The following RBM43 variants were observed in gnomAD, a reference collection of about 807,000 sequenced individuals.
RBM43 encodes the protein RNA-binding protein 43.
A neutral mutation model predicts 12.4 loss-of-function variants in RBM43; 12 were observed. That is an observed-to-expected ratio of 0.97 (90% confidence interval 0.62 to 1.57). The LOEUF is 1.57. RBM43 is among the 40% of genes most tolerant of loss of function. The pLI is 0.00. For missense variants in RBM43, 348 were observed against 400.1 expected, an observed-to-expected ratio of 0.87 and a Z score of 1.11; for synonymous variants, 138 against 145.7, an observed-to-expected ratio of 0.95 and a Z score of 0.38.
At chr2:151,261,208 C>A in intron 1 of RBM43, 2 of 1,510,178 alleles carry the variant, frequency 1.3e-6, no homozygotes, top group Non-Finnish European at 1.8e-6. Context: ...CGCACCAAGG[C>A]AGACATAAGA....
intron 1 of RBM43, among the ~76,000 whole-genome samples, chr2:151,258,763 C>G (rs2105193532): frequency 6.6e-6 from 1 of 152,272 alleles, no homozygotes; most frequent in Admixed American, 6.5e-5. Flanking sequence ...TATCCCAGAG[C>G]AAGTTCTCTC....
rs780220042 is a variant in RBM43 at position 151,251,339 on chromosome 2, G to C, written c.641C>G (p.Ala214Gly). 1.2e-6 allele frequency: 2 copies of C among 1,614,032 alleles called. No individual in the cohort carries two copies. The highest frequency in any genetic ancestry group is 2.7e-5 in the African/African-American group (2 of 75,046). The change falls in exon 4 of 4, where the codon GCT becomes GGT. Residue 214 changes from alanine to glycine, a missense_variant. Ala to Gly is a moderately conservative substitution (Grantham distance 60). Transcript: ENST00000331426. ...ASVRTLVPET[A>G]RSGEMLVLDT... is the part of the protein sequence containing the mutation. ...AAGCACAAGCATTTCTCCACTTCTA[G>C]CAGTCTCAGGTACTAAGGTCCTGAC...
At chr2:151,259,937 C>T (rs1353994844) in intron 1 of RBM43, among the ~76,000 whole-genome samples, 2 of 152,046 alleles carry the variant, frequency 1.3e-5, no homozygotes, top group East Asian at 3.9e-4. Context: ...GCGATCTTGG[C>T]TCACTGCAAC....
At chr2:151,256,402 A>G (rs1042469903) in intron 1 of RBM43, among the ~76,000 whole-genome samples, 6 of 152,222 alleles carry the variant, frequency 3.9e-5, no homozygotes, top group African/African-American at 1.2e-4. Flanking sequence ...CAAACTAACC[A>G]CAAAATATGG....
At position 151,261,563 on chromosome 2, in the gene RBM43, C is replaced by T. The variant is rs1176453158; in HGVS notation, c.3+162G>A. ...AGTTTGCCCGCCGGGGTGGACGGCT[C>T]TCCGGGGCCCCCGGGGTCCCTGGGG... On this transcript the variant is annotated intron_variant, in intron 1 of 3. Coordinates refer to ENST00000331426, the MANE Select transcript of RBM43 (RefSeq NM_198557.3). 7 of 1,542,110 alleles carry T rather than the reference C, an allele frequency of 4.5e-6. No homozygotes were observed. In the African/African-American group the frequency reaches 8.2e-5, roughly 18 times the overall value.
intron 1 of RBM43, among the ~76,000 whole-genome samples, chr2:151,260,126 G>A (rs1367148907): frequency 6.7e-6 from 1 of 149,110 alleles, no homozygotes; most frequent in African/African-American, 2.5e-5. Context: ...TCGGCCTCTC[G>A]AAGTCTTTTT....
intron 1 of RBM43, among the ~76,000 whole-genome samples, chr2:151,256,642 A>G (rs1395514342): frequency 1.3e-5 from 2 of 152,154 alleles, no homozygotes; most frequent in Admixed American, 6.5e-5. Flanking sequence ...AACATGGTGA[A>G]ACCCCATCTC....
Position 151,261,788 on chromosome 2 carries a change from G to T in RBM43, c.-61C>A. 2 of 1,573,584 alleles carry T rather than the reference G, an allele frequency of 1.3e-6. No homozygotes were observed. The highest frequency in any genetic ancestry group is 1.9e-5 in the Admixed American group (1 of 53,256). On this transcript the variant is annotated 5_prime_UTR_variant, in exon 1 of 4. Transcript: ENST00000331426. ...AGCCCACAACCAGCGGAACGCAGGCGATGGGGAGAGGAGCGAGCAGGCAGG... is the reference window on the plus strand; with the variant it reads ...AGCCCACAACCAGCGGAACGCAGGCTATGGGGAGAGGAGCGAGCAGGCAGG...
chr2:151,261,181 T>G, intron 1 of RBM43: 1 of 1,455,474 alleles, frequency 6.9e-7, no homozygotes, highest in African/African-American at 1.4e-5. Context: ...AATTTTGAAT[T>G]TGCTAAGACA....
chr2:151,258,290 C>A (rs186712743), intron 1 of RBM43, among the ~76,000 whole-genome samples: 1 of 151,990 alleles, frequency 6.6e-6, no homozygotes, highest in Non-Finnish European at 1.5e-5. Flanking sequence ...TTCCCTACCC[C>A]CAGTGCACAC....
chr2:151,252,631 G>T, intron 3 of RBM43, 124 bp downstream of exon 3: 2 of 580,480 alleles, frequency 3.4e-6, no homozygotes, highest in Non-Finnish European at 3.1e-6. Context: ...CTGACTCAGG[G>T]AGTTTGCATT....
At position 151,248,127 on chromosome 2, in the gene RBM43, A is replaced by G. The variant is rs553075539; in HGVS notation, c.*2779T>C. ...ATCAAATTTGGGATAAAGCAGTTTG[A>G]GTCACTCACCAGTGCACTAAATTGA... On this transcript the variant is annotated 3_prime_UTR_variant, in exon 4 of 4. Transcript: ENST00000331426. The G allele has an allele frequency of 6.6e-5, 10 of 152,296 alleles. No individual in the cohort carries two copies. The highest frequency in any genetic ancestry group is 2.4e-4 in the African/African-American group (10 of 41,594). 9.4% of individuals were successfully genotyped at this position (152,296 alleles called of 1,614,324 possible). A position where few individuals can be genotyped will look rare whatever the true frequency, so the allele number is the denominator to read the frequency against.
Position 151,251,445 on chromosome 2 carries a change from T to C in RBM43, c.535A>G (p.Asn179Asp). ...RACSLLEKDR[N>D]FTSEERKWNR... ...CACTTTCTCTCCTCACTGGTAAAAT[T>C]TCTGTCTTTTTCTAAGAGAGAACAT... The change falls in exon 4 of 4, where the codon AAT becomes GAT. Residue 179 changes from asparagine (N) to aspartate (D), a missense_variant. By Grantham distance (23) the Asn-to-Asp change is conservative. Transcript: ENST00000331426. 1 of 1,614,200 alleles carries C rather than the reference T, an allele frequency of 6.2e-7. No individual in the cohort carries two copies. Among genetic ancestry groups the C allele is most frequent in the South Asian group, 1.1e-5 (1 of 91,086 alleles).
Position 151,261,741 on chromosome 2 carries a change from CGCGCCCTCA to C in RBM43, c.-23_-15del. 1 of 1,602,730 alleles carries C rather than the reference CGCGCCCTCA, an allele frequency of 6.2e-7. No individual in the cohort carries two copies. On this transcript the variant is annotated 5_prime_UTR_variant, in exon 1 of 4. Transcript: ENST00000331426. ...GCAACTTGCCATGGCGGAGGGGAGACGCGCCCTCAGCGGCCGCAGAAAGCCCACAACCAG... is the reference window on the plus strand; with the variant it reads ...GCAACTTGCCATGGCGGAGGGGAGACGCGGCCGCAGAAAGCCCACAACCAG...
chr2:151,260,182 A>G (rs1329041200), intron 1 of RBM43, among the ~76,000 whole-genome samples: 1 of 147,566 alleles, frequency 6.8e-6, no homozygotes, highest in African/African-American at 2.5e-5. Flanking sequence ...CTGGAGAACA[A>G]TGGCGTGATC....
chr2:151,261,568 G>A (rs1175007227), intron 1 of RBM43, 157 bp downstream of exon 1: 5 of 1,540,576 alleles, frequency 3.2e-6, no homozygotes, highest in South Asian at 1.2e-5. Context: ...CGGCTCTCCG[G>A]GGCCCCCGGG....
At chr2:151,260,198 T>A (rs1683029394) in intron 1 of RBM43, among the ~76,000 whole-genome samples, 1 of 151,648 alleles carries the variant, frequency 6.6e-6, no homozygotes, top group South Asian at 2.1e-4. Context: ...TGATCTTGGC[T>A]CCCTGCAACC....
chr2:151,252,248 C>T (rs969324964), intron 3 of RBM43, among the ~76,000 whole-genome samples: 7 of 152,082 alleles, frequency 4.6e-5, no homozygotes, highest in Non-Finnish European at 8.8e-5. Context: ...TGAGGCTGGG[C>T]GTGGTGGCTC....
At position 151,251,572 on chromosome 2, in the gene RBM43, G is replaced by C; in HGVS notation, c.408C>G (p.Ile136Met). 2 of 1,613,932 alleles carry C rather than the reference G, an allele frequency of 1.2e-6. No individual in the cohort carries two copies. The highest frequency in any genetic ancestry group is 1.7e-6 in the Non-Finnish European group (2 of 1,179,892). Residue 136 changes from isoleucine (I) to methionine (M), a missense_variant, in exon 4 of 4, where the codon ATC becomes ATG. Ile to Met is a conservative substitution (Grantham distance 10). Transcript: ENST00000331426. ...TCAAAGGACTGAAGCTTAAACTCGG[G>C]ATTTTTTTTTTCAGGTCTTTTACCA... The part of the protein sequence containing the change: ...ETLVKDLKKK[I>M]PSLSFSPLKP...
Sources: gnomAD v4.1 joint callset for allele counts (sites outside exome capture counted in the v4.1 genomes callset) on GRCh38, gnomAD v4.1.1 for gene constraint, MANE v1.5 for transcripts, NCBI Gene and HGNC (gene_info 2026-07-23, HGNC 2026-07-21) for gene names.